Variants in PEBP4 observed in about 807,000 individuals in gnomAD.
The protein encoded by PEBP4 is phosphatidylethanolamine binding protein 4.
PEBP4 carries 22 observed loss-of-function variants against 23.9 expected under a neutral mutation model. That is an observed-to-expected ratio of 0.92 (90% confidence interval 0.66 to 1.31). PEBP4 has a LOEUF of 1.31. Among genes scored for constraint, PEBP4 ranks in the 40% most tolerant of loss-of-function variants. The pLI is 0.00. For synonymous variants in PEBP4, 112 were observed against 99.3 expected (o/e 1.13, Z -0.76); for missense variants, 324 against 281.7 (o/e 1.15, Z -1.07).
At chr8:22,863,684 T>C (rs114358065) in intron 3 of PEBP4, among the ~76,000 whole-genome samples, 1,558 of 152,262 alleles carry the variant, frequency 0.01, 27 homozygotes, top group African/African-American at 0.035. Flanking sequence ...GTGTGCGTCG[T>C]TGCTAGTTGC....
intron 3 of PEBP4, among the ~76,000 whole-genome samples, chr8:22,822,898 A>G (rs1442829942): frequency 3.3e-5 from 5 of 152,094 alleles, no homozygotes; most frequent in Non-Finnish European, 5.9e-5. Flanking sequence ...AATCTGGCAC[A>G]ATCCCAATCA....
chr8:22,761,430 C>G (rs1466783622), intron 4 of PEBP4, among the ~76,000 whole-genome samples: 1 of 152,156 alleles, frequency 6.6e-6, no homozygotes, highest in African/African-American at 2.4e-5. Flanking sequence ...GCGAGAAGAC[C>G]CCCCTGCAAG....
intron 4 of PEBP4, among the ~76,000 whole-genome samples, chr8:22,806,444 G>A (rs191480707): frequency 9.9e-5 from 15 of 151,906 alleles, no homozygotes; most frequent in African/African-American, 2.9e-4. Flanking sequence ...AGGTGAAACC[G>A]TCTCTATAAA....
At chr8:22,831,294 T>C (rs888160332) in intron 3 of PEBP4, among the ~76,000 whole-genome samples, 26 of 152,322 alleles carry the variant, frequency 1.7e-4, no homozygotes, top group African/African-American at 5.8e-4. Context: ...CAGTAAGACA[T>C]TAATCAGCAT....
chr8:22,766,999 G>A (rs534904178), intron 4 of PEBP4, among the ~76,000 whole-genome samples: 52 of 152,364 alleles, frequency 3.4e-4, no homozygotes, highest in South Asian at 1.4e-3. Context: ...TTACTTCACC[G>A]TGGGGGTCTA....
At chr8:22,910,717 C>A (rs1396173993) in intron 3 of PEBP4, among the ~76,000 whole-genome samples, 8 of 152,216 alleles carry the variant, frequency 5.3e-5, no homozygotes, top group Non-Finnish European at 8.8e-5. Context: ...GAAAAGACTA[C>A]ATATTGTATG....
intron 5 of PEBP4, among the ~76,000 whole-genome samples, chr8:22,726,339 T>C (rs959623885): frequency 1.3e-5 from 2 of 152,044 alleles, no homozygotes; most frequent in African/African-American, 4.8e-5. Context: ...GGCTGTGGAG[T>C]ACACTCCACC....
chr8:22,806,387 C>T (rs957627165), intron 4 of PEBP4, among the ~76,000 whole-genome samples: 2 of 152,034 alleles, frequency 1.3e-5, no homozygotes, highest in African/African-American at 2.4e-5. Flanking sequence ...GAGGCTGAGG[C>T]GGGCAGAACA....
At chr8:22,773,816 G>A (rs1361301570) in intron 4 of PEBP4, among the ~76,000 whole-genome samples, 1 of 152,114 alleles carries the variant, frequency 6.6e-6, no homozygotes, top group African/African-American at 2.4e-5. Context: ...AACCGTGGGG[G>A]TCCTTGCTTT....
Position 22,713,552 on chromosome 8 carries a change from G to T in PEBP4, c.518-16C>A. 1 of 1,614,126 alleles carries T rather than the reference G, an allele frequency of 6.2e-7. No homozygotes were observed. The highest frequency in any genetic ancestry group is 1.1e-5 in the South Asian group (1 of 91,062). On this transcript the variant is annotated splice_polypyrimidine_tract_variant and intron_variant, in intron 6 of 6. Coordinates refer to ENST00000256404, the MANE Select transcript of PEBP4 (RefSeq NM_144962.3). ...TTCCAAGAGCCTGGAAGGACAAACAGACCACAGGGAGGCAGTGAGAAAGAG... is the reference window on the plus strand; with the variant it reads ...TTCCAAGAGCCTGGAAGGACAAACATACCACAGGGAGGCAGTGAGAAAGAG...
chr8:22,784,456 A>G (rs1007160592), intron 4 of PEBP4, among the ~76,000 whole-genome samples: 13 of 152,222 alleles, frequency 8.5e-5, no homozygotes, highest in African/African-American at 2.9e-4. Flanking sequence ...AACTGAGGCA[A>G]TGGAGTAGCT....
chr8:22,842,196 G>A (rs186853916), intron 3 of PEBP4, among the ~76,000 whole-genome samples: 1 of 152,232 alleles, frequency 6.6e-6, no homozygotes, highest in Non-Finnish European at 1.5e-5. Flanking sequence ...ATCCCCAAGA[G>A]GTGAGACAGG....
chr8:22,797,691 C>G (rs1342216288), intron 4 of PEBP4, among the ~76,000 whole-genome samples: 1 of 152,194 alleles, frequency 6.6e-6, no homozygotes. Flanking sequence ...TCCATGTGAT[C>G]TGAAGGAACC....
At chr8:22,900,354 G>A (rs1585332639) in intron 3 of PEBP4, among the ~76,000 whole-genome samples, 1 of 152,264 alleles carries the variant, frequency 6.6e-6, no homozygotes, top group African/African-American at 2.4e-5. Flanking sequence ...CCATTACAAA[G>A]ATTATTATCT....
chr8:22,813,655 T>C (rs1806679601), intron 4 of PEBP4, among the ~76,000 whole-genome samples: 1 of 152,216 alleles, frequency 6.6e-6, no homozygotes, highest in Admixed American at 6.5e-5. Context: ...CTGAAGATCA[T>C]CTTTAAGGAA....
chr8:22,745,176 C>G (rs555085121), intron 4 of PEBP4, among the ~76,000 whole-genome samples: 1 of 152,342 alleles, frequency 6.6e-6, no homozygotes, highest in South Asian at 2.1e-4. Flanking sequence ...CTTCCCAGCT[C>G]TCTCCTGGGT....
At chr8:22,891,107 C>T (rs754569480) in intron 3 of PEBP4, among the ~76,000 whole-genome samples, 8 of 152,226 alleles carry the variant, frequency 5.3e-5, no homozygotes, top group Non-Finnish European at 8.8e-5. Context: ...GGATTACAGG[C>T]GTGAGCCACT....
intron 3 of PEBP4, among the ~76,000 whole-genome samples, chr8:22,876,925 C>A (rs1164588785): frequency 6.6e-6 from 1 of 152,120 alleles, no homozygotes; most frequent in African/African-American, 2.4e-5. Flanking sequence ...GGCCTTGGAC[C>A]CTTATCTTTA....
chr8:22,898,807 G>A (rs550025428), intron 3 of PEBP4, among the ~76,000 whole-genome samples: 39 of 152,284 alleles, frequency 2.6e-4, no homozygotes, highest in South Asian at 6.2e-4. Flanking sequence ...GGCAGGTTGC[G>A]GGATGATAAA....
Sources: allele counts gnomAD v4.1 joint callset (sites outside exome capture counted in the v4.1 genomes callset), GRCh38; gene constraint gnomAD v4.1.1; transcripts MANE v1.5; gene names NCBI Gene and HGNC (gene_info 2026-07-23, HGNC 2026-07-21).